The following ZNF385B variants were observed in gnomAD, a reference collection of about 807,000 sequenced individuals.
The protein encoded by ZNF385B is zinc finger protein 385B.
In ZNF385B, 23 loss-of-function variants were observed where a neutral mutation model predicts 39.2. The observed-to-expected ratio is 0.59, with a 90% confidence interval of 0.42 to 0.83. The LOEUF (loss-of-function observed/expected upper bound fraction) is 0.83, where lower values mean the gene tolerates loss of function less well. Among genes scored for constraint, ZNF385B ranks in the 40% least tolerant of loss-of-function variants. The pLI, the probability that ZNF385B is intolerant of heterozygous loss-of-function variation, is 0.00. For missense variants in ZNF385B, 552 were observed against 598.9 expected (o/e 0.92, Z 0.82); for synonymous variants, 205 against 222.6 (o/e 0.92, Z 0.70).
intron 3 of ZNF385B, among the ~76,000 whole-genome samples, chr2:179,750,565 C>A (rs1559159258): frequency 1.3e-5 from 2 of 151,976 alleles, no homozygotes; most frequent in Admixed American, 6.6e-5. Flanking sequence ...AAGCGGATGC[C>A]CTATTTTCAA....
chr2:179,667,621 T>C (rs2106294027), intron 3 of ZNF385B, among the ~76,000 whole-genome samples: 1 of 152,208 alleles, frequency 6.6e-6, no homozygotes, highest in East Asian at 1.9e-4. Flanking sequence ...TGCTAATCCA[T>C]CCCTCAGGAA....
At chr2:179,785,304 A>C (rs1359158759) in intron 1 of ZNF385B, among the ~76,000 whole-genome samples, 1 of 152,272 alleles carries the variant, frequency 6.6e-6, no homozygotes, top group South Asian at 2.1e-4. Context: ...GTAGAAATCC[A>C]TTGATCTATA....
intron 3 of ZNF385B, among the ~76,000 whole-genome samples, chr2:179,694,814 C>T (rs1331615491): frequency 6.6e-6 from 1 of 152,068 alleles, no homozygotes; most frequent in Non-Finnish European, 1.5e-5. Flanking sequence ...CCTGTAGTCC[C>T]AGCTACTCGG....
At chr2:179,774,856 A>G (rs950860132) in intron 1 of ZNF385B, among the ~76,000 whole-genome samples, 11 of 152,214 alleles carry the variant, frequency 7.2e-5, no homozygotes, top group Admixed American at 1.3e-4. Context: ...AAATTCTGAC[A>G]AAACATGGGT....
intron 1 of ZNF385B, among the ~76,000 whole-genome samples, chr2:179,778,121 G>C (rs1023719563): frequency 2.0e-5 from 3 of 152,118 alleles, no homozygotes; most frequent in Non-Finnish European, 2.9e-5. Flanking sequence ...CAACCAAAAT[G>C]TGTATACGGT....
chr2:179,609,512 A>G, intron 3 of ZNF385B, among the ~76,000 whole-genome samples: 1 of 152,164 alleles, frequency 6.6e-6, no homozygotes, highest in Non-Finnish European at 1.5e-5. Context: ...AATCTTGGCT[A>G]TTGTGAACAG....
intron 3 of ZNF385B, among the ~76,000 whole-genome samples, chr2:179,718,950 C>CTGTG (rs150262834): frequency 0.12 from 17,682 of 149,938 alleles, 1,219 homozygotes; most frequent in Non-Finnish European, 0.16. Context: ...CTTTAAAACT[C>CTGTG]TGTGTGTGTG....
intron 3 of ZNF385B, among the ~76,000 whole-genome samples, chr2:179,650,624 T>C (rs1220648072): frequency 1.3e-5 from 2 of 152,272 alleles, no homozygotes; most frequent in East Asian, 3.9e-4. Flanking sequence ...ATGTGGAGAG[T>C]GGCACTGTGC....
chr2:179,458,270 C>T (rs67318280), intron 6 of ZNF385B, among the ~76,000 whole-genome samples: 23,206 of 152,072 alleles, frequency 0.15, 1,936 homozygotes, highest in African/African-American at 0.21. Context: ...ATAAGTCTCA[C>T]GAGATCTGAT....
intron 3 of ZNF385B, among the ~76,000 whole-genome samples, chr2:179,595,480 G>A (rs148553519): frequency 3.9e-5 from 6 of 152,238 alleles, no homozygotes; most frequent in African/African-American, 1.4e-4. Context: ...AATGCTGTGG[G>A]CTGTGGCAGA....
chr2:179,610,185 A>G (rs980612475), intron 3 of ZNF385B, among the ~76,000 whole-genome samples: 4 of 152,062 alleles, frequency 2.6e-5, no homozygotes, highest in Non-Finnish European at 2.9e-5. Flanking sequence ...TACTAGTTTC[A>G]TAGGTTAAGG....
chr2:179,528,833 G>A (rs1426375897), intron 4 of ZNF385B, among the ~76,000 whole-genome samples: 1 of 152,176 alleles, frequency 6.6e-6, no homozygotes, highest in Non-Finnish European at 1.5e-5. Flanking sequence ...ATGTTAAAAT[G>A]TTCCATTTTC....
At chr2:179,692,657 G>A (rs1698442756) in intron 3 of ZNF385B, among the ~76,000 whole-genome samples, 1 of 152,172 alleles carries the variant, frequency 6.6e-6, no homozygotes, top group Non-Finnish European at 1.5e-5. Flanking sequence ...GGTTGCTAAA[G>A]TTGTCTTTCA....
At chr2:179,561,692 C>T (rs2061346588) in intron 3 of ZNF385B, among the ~76,000 whole-genome samples, 1 of 150,484 alleles carries the variant, frequency 6.6e-6, no homozygotes, top group Non-Finnish European at 1.5e-5. Context: ...AACATTAAAA[C>T]AGAAATGAGA....
rs1407350041 is a variant in ZNF385B, at chr2:179,443,063, G to C, written c.*187C>G. 2.9e-6 allele frequency: 2 copies of C among 690,258 alleles called. No homozygotes were observed. The highest frequency in any genetic ancestry group is 2.5e-6 in the Non-Finnish European group (1 of 392,696). 42.8% of individuals were successfully genotyped at this position (690,258 alleles called of 1,614,324 possible). ...TATGCTGCTGATTCCTCAATTATAG[G>C]AGCAGTCTCTAAAAGCCCTCGTCAA... On this transcript the variant is annotated 3_prime_UTR_variant, in exon 10 of 10. Coordinates refer to ENST00000410066, the MANE Select transcript of ZNF385B (RefSeq NM_152520.6).
chr2:179,815,495 C>CACT (rs397934593), intron 1 of ZNF385B, among the ~76,000 whole-genome samples: 1 of 152,134 alleles, frequency 6.6e-6, no homozygotes, highest in Non-Finnish European at 1.5e-5. Flanking sequence ...AGAACTATAC[C>CACT]GGTATTTCTG....
At chr2:179,576,046 C>T in intron 3 of ZNF385B, 1 of 715,314 alleles carries the variant, frequency 1.4e-6, no homozygotes, top group South Asian at 6.3e-5. Context: ...TAGACGATGG[C>T]AACTCTGGCA....
At chr2:179,711,273 C>A (rs1034242566) in intron 3 of ZNF385B, among the ~76,000 whole-genome samples, 1 of 152,176 alleles carries the variant, frequency 6.6e-6, no homozygotes, top group African/African-American at 2.4e-5. Flanking sequence ...GCCCTATAAC[C>A]ATGTGGTTTA....
intron 1 of ZNF385B, among the ~76,000 whole-genome samples, chr2:179,794,510 G>T (rs1163298763): frequency 6.6e-6 from 1 of 152,098 alleles, no homozygotes. Flanking sequence ...TTGTAGGTCA[G>T]TAACTCTAAA....
Sources: allele counts gnomAD v4.1 joint callset (sites outside exome capture counted in the v4.1 genomes callset), GRCh38; gene constraint gnomAD v4.1.1; transcripts MANE v1.5; gene names NCBI Gene and HGNC (gene_info 2026-07-23, HGNC 2026-07-21).